Variants in IL15RA observed in about 807,000 individuals in gnomAD.
IL15RA encodes interleukin-15 receptor subunit alpha.
A neutral mutation model predicts 24.2 loss-of-function variants in IL15RA; 26 were observed. The ratio of observed to expected loss-of-function variants is 1.07; its 90% CI spans 0.79 to 1.49. The LOEUF is 1.49. Ranked by LOEUF, IL15RA falls within the 40% of genes most tolerant of loss-of-function variation. IL15RA has a pLI of 0.00. For missense variants in IL15RA, 354 were observed against 356.4 expected, an observed-to-expected ratio of 0.99 and a Z score of 0.05; for synonymous variants, 166 against 157.6, an observed-to-expected ratio of 1.05 and a Z score of -0.40.
chr10:5,957,651 G>T (rs117549019), intron 5 of IL15RA, among the ~76,000 whole-genome samples: 2 of 148,902 alleles, frequency 1.3e-5, no homozygotes, highest in African/African-American at 5.0e-5. Flanking sequence ...GGAGTGCAGC[G>T]GCTCGAGTTT....
In IL15RA at chr10:5,967,887, C is replaced by T. The variant is rs138688771; in HGVS notation, c.89-1548G>A. Among the ~76,000 whole-genome samples the T allele has an allele frequency of 7.9e-5, 12 of 152,120 alleles. No individual in the cohort carries two copies. Among genetic ancestry groups the T allele is most frequent in the Non-Finnish European group, 1.3e-4 (9 of 67,986 alleles). On this transcript the variant is annotated intron_variant, in intron 1 of 6. Transcript: ENST00000379977. The surrounding 1 kb of genome is among the most constrained non-coding windows in gnomAD (Gnocchi z 4.4). ...CAGCCTGGCTAACATGGTGAAAGCC[C>T]GTCTCTACTAAAATACAAAAAATTA...
In IL15RA at chr10:5,966,221, C is replaced by T. The variant is rs146937451; in HGVS notation, c.207G>A (p.Thr69=). Reference sequence around the variant, plus strand: ...TCAACACGCACTCCGTCAGGCTGGACGTGCCGGCTTTACGCTTGAAACCAG... The same window carrying T: ...TCAACACGCACTCCGTCAGGCTGGATGTGCCGGCTTTACGCTTGAAACCAG... ...CNSGFKRKAG[T]SSLTECVLNK... Residue 69 remains threonine, a synonymous_variant, in exon 2 of 7, where the codon ACG becomes ACA. Transcript: ENST00000379977. The surrounding 1 kb of genome is among the most constrained non-coding windows in gnomAD (Gnocchi z 6.4). 9.2e-4 allele frequency: 1,492 copies of T among 1,614,138 alleles called. 22 individuals are homozygous for T. The South Asian group carries it at 0.014, about 15-fold the overall frequency.
In IL15RA at chr10:5,959,928, A is replaced by C. The variant is rs1474137816; in HGVS notation, c.584-142T>G. 6.8e-6 allele frequency: 5 copies of C among 740,556 alleles called. No homozygotes were observed. The highest frequency in any genetic ancestry group is 9.4e-6 in the Non-Finnish European group (4 of 427,800). 45.9% of individuals were successfully genotyped at this position (740,556 alleles called of 1,614,324 possible). On this transcript the variant is annotated intron_variant, in intron 4 of 6. Transcript: ENST00000379977. The surrounding 1 kb of genome is among the most constrained non-coding windows in gnomAD (Gnocchi z 4.1). ...CTGGCGTAACCAGACTCATTTTAGCAAAGAACAAGCAGGGTAGCTCACTGA... is the reference window on the plus strand; with the variant it reads ...CTGGCGTAACCAGACTCATTTTAGCCAAGAACAAGCAGGGTAGCTCACTGA...
upstream of IL15RA, chr10:5,977,570 C>G: frequency 7.9e-7 from 1 of 1,261,378 alleles, no homozygotes; most frequent in Non-Finnish European, 1.0e-6. Flanking sequence ...GAGCGCTGCT[C>G]TGGGACCTGC....
chr10:5,955,336 C>T lies in IL15RA; in HGVS notation c.692+1043G>A, dbSNP rs996514145. Among the ~76,000 whole-genome samples, 2 of 151,972 alleles carry T rather than the reference C, an allele frequency of 1.3e-5. No homozygotes were observed. Among genetic ancestry groups the T allele is most frequent in the East Asian group, 1.9e-4 (1 of 5,188 alleles). Reference sequence around the variant, plus strand: ...CTGGTCTCGAACTCCTGACCTCACGCGATCTGCCTGCCTTGGCCTCCCGAA... The same window carrying T: ...CTGGTCTCGAACTCCTGACCTCACGTGATCTGCCTGCCTTGGCCTCCCGAA... On this transcript the variant is annotated intron_variant, in intron 6 of 6. Coordinates refer to ENST00000379977, the MANE Select transcript of IL15RA (RefSeq NM_002189.4). The surrounding 1 kb of genome is among the most constrained non-coding windows in gnomAD (Gnocchi z 5.3).
In IL15RA at chr10:5,960,436, G is replaced by A; in HGVS notation, c.514C>T (p.His172Tyr). The A allele has an allele frequency of 6.2e-7, 1 of 1,614,160 alleles. No homozygotes were observed. Among genetic ancestry groups the A allele is most frequent in the Non-Finnish European group, 8.5e-7 (1 of 1,180,018 alleles). ...GCTGTTGTCTGAGAGGGGGTGCCGT[G>A]GGAGGACTCATGACTGCTTATCTCT... ...TTEISSHESS[H>Y]GTPSQTTAKN... is the part of the protein sequence containing the mutation. Residue 172 changes from histidine to tyrosine, a missense_variant, in exon 4 of 7, where the codon CAC becomes TAC. Physicochemically the swap from His to Tyr is moderately conservative, Grantham distance 83. Coordinates refer to ENST00000379977, the MANE Select transcript of IL15RA (RefSeq NM_002189.4). The surrounding 1 kb of genome is among the most constrained non-coding windows in gnomAD (Gnocchi z 5.1).
rs957703378 is a variant in IL15RA at position 5,960,801 on chromosome 10, G to T, written c.383-234C>A. The stretch of plus-strand genomic sequence containing the variant: ...CACGGCACGTATAAAGAAAAGATCA[G>T]CCAGACACAGTGGGTCATGCCTATA... On this transcript the variant is annotated intron_variant, in intron 3 of 6. Coordinates refer to ENST00000379977, the MANE Select transcript of IL15RA (RefSeq NM_002189.4). The surrounding 1 kb of genome is among the most constrained non-coding windows in gnomAD (Gnocchi z 5.1). 6.6e-6 allele frequency among the ~76,000 whole-genome samples: 1 copy of T among 152,158 alleles called. No homozygotes were observed. Among genetic ancestry groups the T allele is most frequent in the African/African-American group, 2.4e-5 (1 of 41,446 alleles).
At position 5,960,071 on chromosome 10, in the gene IL15RA, A is replaced by G. The variant is rs1179371305; in HGVS notation, c.584-285T>C. Among the ~76,000 whole-genome samples the G allele has an allele frequency of 2.0e-5, 3 of 152,162 alleles. No homozygotes were observed. The highest frequency in any genetic ancestry group is 7.2e-5 in the African/African-American group (3 of 41,436). On this transcript the variant is annotated intron_variant, in intron 4 of 6. Coordinates refer to ENST00000379977, the MANE Select transcript of IL15RA (RefSeq NM_002189.4). The surrounding 1 kb of genome is among the most constrained non-coding windows in gnomAD (Gnocchi z 5.1). ...AGGCAGCTTCACCACCTCCTACTGC[A>G]GGAGGGCACAGATGCCACTCCCAGC...
rs944146825 is a variant in IL15RA, at chr10:5,965,578, G to A, written c.283+567C>T. On this transcript the variant is annotated intron_variant, in intron 2 of 6. Coordinates refer to ENST00000379977, the MANE Select transcript of IL15RA (RefSeq NM_002189.4). This position sits in a 1 kb window ranked among gnomAD's most constrained non-coding sequence, Gnocchi z 5.8. ...TCCGTTTTCCAGATGACCAGCCAGA[G>A]TGCCAGAATATCACAAGAGCTGCCC... Among the ~76,000 whole-genome samples the A allele has an allele frequency of 6.6e-5, 10 of 152,252 alleles. No individual in the cohort carries two copies. Among genetic ancestry groups the A allele is most frequent in the Admixed American group, 6.5e-5 (1 of 15,288 alleles).
rs958084508 is a variant in IL15RA at position 5,966,270 on chromosome 10, G to A, written c.158C>T (p.Ser53Phe). 1.9e-6 allele frequency: 3 copies of A among 1,614,034 alleles called. No homozygotes were observed. Among genetic ancestry groups the A allele is most frequent in the Non-Finnish European group, 2.5e-6 (3 of 1,179,976 alleles). Reference protein sequence around the residue: ...DIWVKSYSLYSRERYICNSGF... With the variant: ...DIWVKSYSLYFRERYICNSGF... ...AGAGTTACAAATGTACCGCTCCCTG[G>A]AGTACAAGCTGTAGCTCTTGACCCA... Residue 53 changes from serine (S) to phenylalanine (F), a missense_variant, in exon 2 of 7, where the codon TCC (serine) becomes TTC (phenylalanine). By Grantham distance (155) the Ser-to-Phe change is radical (BLOSUM62 -2). Transcript: ENST00000379977. This position sits in a 1 kb window ranked among gnomAD's most constrained non-coding sequence, Gnocchi z 6.4.
downstream of IL15RA, among the ~76,000 whole-genome samples, chr10:5,950,134 G>A (rs1833771278): frequency 6.6e-6 from 1 of 151,964 alleles, no homozygotes; most frequent in Non-Finnish European, 1.5e-5. This position sits in a 1 kb window ranked among gnomAD's most constrained non-coding sequence, Gnocchi z 5.6. Context: ...AAAAATCAAG[G>A]CAAAATATAA....
chr10:5,966,450 G>A lies in IL15RA; in HGVS notation c.89-111C>T. On this transcript the variant is annotated intron_variant, in intron 1 of 6. Transcript: ENST00000379977. The surrounding 1 kb of genome is among the most constrained non-coding windows in gnomAD (Gnocchi z 6.4). ...TCCAGCTTATCCTAGGGGTGCCTCA[G>A]GACAAGCCCCAGGTGCCAGGCACGT... The A allele has an allele frequency of 2.3e-6, 2 of 858,530 alleles. No homozygotes were observed. Among genetic ancestry groups the A allele is most frequent in the Non-Finnish European group, 3.6e-6 (2 of 552,202 alleles). The allele number at this position is 858,530 out of a possible 1,614,324, so 53.2% of individuals were successfully genotyped here.
chr10:5,957,825 C>T (rs1834792917), intron 5 of IL15RA, among the ~76,000 whole-genome samples: 1 of 152,168 alleles, frequency 6.6e-6, no homozygotes, highest in African/African-American at 2.4e-5. Context: ...CTCCTGGCCT[C>T]AAGTGATCTG....
chr10:5,949,894 G>A (rs532350880), downstream of IL15RA, among the ~76,000 whole-genome samples: 84 of 152,172 alleles, frequency 5.5e-4, no homozygotes, highest in Middle Eastern at 3.4e-3. The surrounding 1 kb of genome is among the most constrained non-coding windows in gnomAD (Gnocchi z 4.4). Context: ...TCAGGAGTTC[G>A]AGACCAGCCT....
rs1056892447 is a variant in IL15RA, at chr10:5,953,017, C to A, written c.*78G>T. ...CTTGCTCCTGGAGCCCGCTTCCTTG[C>A]ACCTCTTCTCAGTCGTCTTTAGCTA... On this transcript the variant is annotated 3_prime_UTR_variant, in exon 7 of 7. Transcript: ENST00000379977. This position sits in a 1 kb window ranked among gnomAD's most constrained non-coding sequence, Gnocchi z 5.3. 2 of 1,070,502 alleles carry A rather than the reference C, an allele frequency of 1.9e-6. No homozygotes were observed. The highest frequency in any genetic ancestry group is 3.1e-5 in the African/African-American group (2 of 63,836). 66.3% of individuals were successfully genotyped at this position (1,070,502 alleles called of 1,614,324 possible). A position where few individuals can be genotyped will look rare whatever the true frequency, so the allele number is the denominator to read the frequency against.
upstream of IL15RA, chr10:5,977,825 G>A (rs1838700021): frequency 2.5e-6 from 1 of 406,002 alleles, no homozygotes; most frequent in Non-Finnish European, 4.3e-6. Flanking sequence ...TCGTGCTCTG[G>A]GACCTCCAGT....
At position 5,962,398 on chromosome 10, in the gene IL15RA, A is replaced by G. The variant is rs1835733347; in HGVS notation, c.382+1345T>C. ...CCTGAGGTCAGGAGTTTGAGACCAG[A>G]CTGACCAACATGGTGAAACCCTGTC... On this transcript the variant is annotated intron_variant, in intron 3 of 6. Coordinates refer to ENST00000379977, the MANE Select transcript of IL15RA (RefSeq NM_002189.4). The surrounding 1 kb of genome is among the most constrained non-coding windows in gnomAD (Gnocchi z 5.2). 6.6e-6 allele frequency among the ~76,000 whole-genome samples: 1 copy of G among 151,998 alleles called. No homozygotes were observed. Among genetic ancestry groups the G allele is most frequent in the South Asian group, 2.1e-4 (1 of 4,822 alleles).
rs551134192 is a variant in IL15RA, at chr10:5,964,957, C to T, written c.284-1116G>A. Among the ~76,000 whole-genome samples the T allele has an allele frequency of 2.0e-5, 3 of 152,204 alleles. No individual in the cohort carries two copies. Among genetic ancestry groups the T allele is most frequent in the African/African-American group, 2.4e-5 (1 of 41,448 alleles). On this transcript the variant is annotated intron_variant, in intron 2 of 6. Coordinates refer to ENST00000379977, the MANE Select transcript of IL15RA (RefSeq NM_002189.4). The surrounding 1 kb of genome is among the most constrained non-coding windows in gnomAD (Gnocchi z 5.6). ...CCTTCCCTCTGCTGCCTGTGTGACT[C>T]GCTCTGTTCTGGGGGAGGAGGCTGA...
In IL15RA at chr10:5,965,938, C is replaced by A. The variant is rs1379138305; in HGVS notation, c.283+207G>T. On this transcript the variant is annotated intron_variant, in intron 2 of 6. Transcript: ENST00000379977. This position sits in a 1 kb window ranked among gnomAD's most constrained non-coding sequence, Gnocchi z 5.8. ...GTTTCACCATGTTGGCCGGGCTGAT[C>A]TGGAACTCCTGACTTCAAGTGATCC... is the stretch of plus-strand genomic sequence containing the variant. Among the ~76,000 whole-genome samples the A allele has an allele frequency of 1.3e-5, 2 of 152,114 alleles. No individual in the cohort carries two copies. Among genetic ancestry groups the A allele is most frequent in the African/African-American group, 4.8e-5 (2 of 41,438 alleles).
Sources: allele counts gnomAD v4.1 joint callset (sites outside exome capture counted in the v4.1 genomes callset), GRCh38; gene constraint gnomAD v4.1.1; non-coding constraint Gnocchi (gnomAD v3.1); transcripts MANE v1.5; gene names NCBI Gene and HGNC (gene_info 2026-07-23, HGNC 2026-07-21).